The following GABRB3 variants were observed in gnomAD, a reference collection of about 807,000 sequenced individuals.
GABRB3 encodes gamma-aminobutyric acid receptor subunit beta-3.
Under a neutral mutation model 52.1 loss-of-function variants are expected in GABRB3, and 14 were observed. The ratio of observed to expected loss-of-function variants is 0.27; its 90% CI spans 0.18 to 0.42. GABRB3 has a LOEUF of 0.42. GABRB3 is among the 10% of genes least tolerant of loss of function. The probability of loss-of-function intolerance (pLI) is 1.00; values close to 1 mark genes in which losing one functional copy is unlikely to be tolerated. For missense variants in GABRB3, 307 were observed against 609.1 expected, an observed-to-expected ratio of 0.50 and a Z score of 5.22; for synonymous variants, 260 against 232.3, an observed-to-expected ratio of 1.12 and a Z score of -1.08.
chr15:26,625,591 C>CTGTGGGGAGG, intron 3 of GABRB3: 1 of 156,204 alleles, frequency 6.4e-6, no homozygotes, highest in Non-Finnish European at 9.9e-6. Flanking sequence ...AAAGGAATAG[C>CTGTGGGGAGG]AGAGGGGACA....
At chr15:26,622,645 G>A (rs1009308534) in intron 3 of GABRB3, among the ~76,000 whole-genome samples, 2 of 152,152 alleles carry the variant, frequency 1.3e-5, no homozygotes, top group Admixed American at 6.5e-5. Flanking sequence ...ATCCAGTCTC[G>A]ACACAGGCCT....
At position 26,660,740 on chromosome 15, in the gene GABRB3, T is replaced by A. The variant is rs76495146; in HGVS notation, c.241-39206A>T. Reference sequence around the variant, plus strand: ...CCCACCTGCAAAGTGAGACAGAACCTGCTAGGTACACCACAAAGATCTGTT... The same window carrying A: ...CCCACCTGCAAAGTGAGACAGAACCAGCTAGGTACACCACAAAGATCTGTT... On this transcript the variant is annotated intron_variant, in intron 3 of 8. Coordinates refer to ENST00000311550, the MANE Select transcript of GABRB3 (RefSeq NM_000814.6). Among the ~76,000 whole-genome samples the A allele has an allele frequency of 8.5e-3, 1,290 of 152,302 alleles. 17 individuals carry two copies. Among genetic ancestry groups the A allele is most frequent in the African/African-American group, 0.03 (1,231 of 41,564 alleles).
intron 3 of GABRB3, among the ~76,000 whole-genome samples, chr15:26,656,329 T>TA (rs1887372178): frequency 6.6e-6 from 1 of 152,202 alleles, no homozygotes; most frequent in Non-Finnish European, 1.5e-5. Flanking sequence ...CTAAACTTCA[T>TA]AAATAGCAAA....
intron 3 of GABRB3, among the ~76,000 whole-genome samples, chr15:26,692,670 T>C (rs1314014004): frequency 6.6e-6 from 1 of 152,206 alleles, no homozygotes; most frequent in Non-Finnish European, 1.5e-5. Context: ...TAAGGATACA[T>C]GCATATTTAC....
intron 3 of GABRB3, among the ~76,000 whole-genome samples, chr15:26,748,581 G>C (rs180699173): frequency 6.6e-6 from 1 of 152,230 alleles, no homozygotes; most frequent in East Asian, 1.9e-4. Context: ...TCCTGACATT[G>C]ATGTCTTTCT....
At chr15:26,748,559 C>T (rs1234331195) in intron 3 of GABRB3, among the ~76,000 whole-genome samples, 5 of 152,176 alleles carry the variant, frequency 3.3e-5, no homozygotes, top group Non-Finnish European at 7.4e-5. Context: ...TGTGTGATAG[C>T]TTCTGTTTCA....
At chr15:26,568,967 C>T (rs1256410302) in intron 6 of GABRB3, among the ~76,000 whole-genome samples, 1 of 152,158 alleles carries the variant, frequency 6.6e-6, no homozygotes, top group Non-Finnish European at 1.5e-5. Flanking sequence ...ATGACCCTCT[C>T]TAATCAGCTC....
rs150655601 is a variant in GABRB3 at position 26,599,569 on chromosome 15, C to T, written c.462-16155G>A. ...AGTAGCCTCACCAGAGAGTAGAGCA[C>T]AGTCAGCAGCTTCATTCAACCTCAA... On this transcript the variant is annotated intron_variant, in intron 4 of 8. Coordinates refer to ENST00000311550, the MANE Select transcript of GABRB3 (RefSeq NM_000814.6). Among the ~76,000 whole-genome samples, 107 of 152,344 alleles carry T rather than the reference C, an allele frequency of 7.0e-4. 1 individual carries two copies. Among genetic ancestry groups the T allele is most frequent in the African/African-American group, 2.5e-3 (103 of 41,588 alleles).
chr15:26,639,121 C>T (rs1441683660), intron 3 of GABRB3, among the ~76,000 whole-genome samples: 2 of 152,104 alleles, frequency 1.3e-5, no homozygotes, highest in Non-Finnish European at 2.9e-5. Context: ...CACGGCAGCA[C>T]AGGTGTCTGA....
rs1889158066 is a variant in GABRB3, at chr15:26,544,595, G to A, written c.*3198C>T. The A allele has an allele frequency of 6.6e-6, 1 of 152,170 alleles. No individual in the cohort carries two copies. Among genetic ancestry groups the A allele is most frequent in the African/African-American group, 2.4e-5 (1 of 41,430 alleles). The allele number at this position is 152,170 out of a possible 1,614,324, so 9.4% of individuals were successfully genotyped here. ...GAAACCCCTCCACAGTCCCGGGGTT[G>A]GTGAACAGGAATAACACTTGTTTTA... On this transcript the variant is annotated 3_prime_UTR_variant, in exon 9 of 9. Transcript: ENST00000311550.
intron 3 of GABRB3, among the ~76,000 whole-genome samples, chr15:26,656,783 G>T (rs376869239): frequency 2.6e-5 from 4 of 152,176 alleles, no homozygotes; most frequent in African/African-American, 7.2e-5. Context: ...GTGGAAAAAA[G>T]TGTCTTCCAC....
chr15:26,690,985 T>C (rs574297418), intron 3 of GABRB3, among the ~76,000 whole-genome samples: 5 of 151,666 alleles, frequency 3.3e-5, no homozygotes, highest in Non-Finnish European at 7.4e-5. Context: ...TCCAGTCCTC[T>C]TCTCCCCTCC....
intron 4 of GABRB3, among the ~76,000 whole-genome samples, chr15:26,600,197 A>C (rs1891537895): frequency 6.6e-6 from 1 of 152,072 alleles, no homozygotes; most frequent in South Asian, 2.1e-4. Flanking sequence ...CAGATAAACA[A>C]GAACAACAAA....
chr15:26,609,081 GATACACACACACACACACAC>G (rs1343960344), intron 4 of GABRB3, among the ~76,000 whole-genome samples: 9 of 114,950 alleles, frequency 7.8e-5, no homozygotes, highest in African/African-American at 2.2e-4. Context: ...TTTTTTTAAT[GATACACACACACACACACAC>G]ATACACACAC....
At chr15:26,773,230 C>T (rs905992691), upstream of GABRB3, among the ~76,000 whole-genome samples, 3 of 150,062 alleles carry the variant, frequency 2.0e-5, no homozygotes, top group South Asian at 2.1e-4. Flanking sequence ...TGCCCTCCCC[C>T]ACGCTCGCCT....
chr15:26,593,981 A>AATATATATATATATATATAT (rs61218096), intron 4 of GABRB3, among the ~76,000 whole-genome samples: 1 of 133,972 alleles, frequency 7.5e-6, no homozygotes, highest in Non-Finnish European at 1.6e-5. Context: ...CTCATTTTAA[A>AATATATATATATATATATAT]ATATATATAT....
Position 26,621,647 on chromosome 15 carries a change from G to T in GABRB3, c.241-113C>A. ...TAGGCTCTACAGTGAATAACCAGGA[G>T]AAACGGATGCCATTTTTATGCAGAA... On this transcript the variant is annotated intron_variant, in intron 3 of 8. Transcript: ENST00000311550. This position sits in a 1 kb window ranked among gnomAD's most constrained non-coding sequence, Gnocchi z 4.1. 1 of 766,776 alleles carries T rather than the reference G, an allele frequency of 1.3e-6. No individual in the cohort carries two copies. The highest frequency in any genetic ancestry group is 2.2e-6 in the Non-Finnish European group (1 of 464,596). 47.5% of individuals were successfully genotyped at this position (766,776 alleles called of 1,614,324 possible).
intron 8 of GABRB3, among the ~76,000 whole-genome samples, chr15:26,554,167 A>T (rs1217722290): frequency 2.3e-3 from 69 of 29,802 alleles, no homozygotes; most frequent in East Asian, 5.3e-3. Flanking sequence ...TAAAGTATAT[A>T]TATATAAAGT....
At chr15:26,578,299 T>G (rs150972647) in intron 6 of GABRB3, among the ~76,000 whole-genome samples, 3 of 152,314 alleles carry the variant, frequency 2.0e-5, no homozygotes, top group Admixed American at 2.0e-4. Context: ...TTTTGAAAGT[T>G]GGGAGATTTT....
Sources: allele counts gnomAD v4.1 joint callset (sites outside exome capture counted in the v4.1 genomes callset), GRCh38; gene constraint gnomAD v4.1.1; non-coding constraint Gnocchi (gnomAD v3.1); transcripts MANE v1.5; gene names NCBI Gene and HGNC (gene_info 2026-07-23, HGNC 2026-07-21).